Variants in ZDHHC18 observed in about 807,000 individuals in gnomAD.
ZDHHC18 encodes palmitoyltransferase ZDHHC18.
ZDHHC18 carries 23 observed loss-of-function variants against 37.5 expected under a neutral mutation model. That is an observed-to-expected ratio of 0.61 (90% CI 0.44 to 0.87). The LOEUF is 0.87. Ranked by LOEUF, ZDHHC18 falls within the 40% of genes least tolerant of loss-of-function variation. ZDHHC18 has a pLI of 0.00. For synonymous variants in ZDHHC18, 185 were observed against 218.7 expected (o/e 0.85, Z 1.36); for missense variants, 406 against 525.6 (o/e 0.77, Z 2.22).
chr1:26,852,537 C>T (rs2081710540), intron 6 of ZDHHC18, among the ~76,000 whole-genome samples: 1 of 152,206 alleles, frequency 6.6e-6, no homozygotes, highest in African/African-American at 2.4e-5. Flanking sequence ...CTGGATGCTT[C>T]TCTTGGGCTC....
intron 1 of ZDHHC18, 57 bp downstream of exon 1, chr1:26,827,196 C>T (rs1179629079): frequency 2.4e-6 from 3 of 1,275,896 alleles, no homozygotes; most frequent in Non-Finnish European, 2.0e-6. Flanking sequence ...CCCCACCTTC[C>T]CAATCCCTGC....
At position 26,850,927 on chromosome 1, in the gene ZDHHC18, G is replaced by A. The variant is rs1182746204; in HGVS notation, c.834-202G>A. On this transcript the variant is annotated intron_variant, in intron 5 of 7. Transcript: ENST00000374142. The surrounding 1 kb of genome is among the most constrained non-coding windows in gnomAD (Gnocchi z 6.1). ...CTCTGCCGTCCATCACCCTGACCTT[G>A]TCTGGCTCTTGAGTGGGGTCCTGAC... 2.6e-5 allele frequency among the ~76,000 whole-genome samples: 4 copies of A among 152,300 alleles called. No individual in the cohort carries two copies. In the East Asian group the frequency reaches 7.7e-4, roughly 29 times the overall value.
Position 26,854,865 on chromosome 1 carries a change from A to C in ZDHHC18, c.*1022A>C, listed in dbSNP as rs1245037410. 6.6e-6 allele frequency: 1 copy of C among 152,234 alleles called. No individual in the cohort carries two copies. Among genetic ancestry groups the C allele is most frequent in the African/African-American group, 2.4e-5 (1 of 41,366 alleles). The allele number at this position is 152,234 out of a possible 1,614,324, so 9.4% of individuals were successfully genotyped here. A position where few individuals can be genotyped will look rare whatever the true frequency, so the allele number is the denominator to read the frequency against. ...TGTGTGTGCATGTGTGTGTGTGTTCATGTGTGCCCTGTATGAATGTGGCTG... is the reference window on the plus strand; with the variant it reads ...TGTGTGTGCATGTGTGTGTGTGTTCCTGTGTGCCCTGTATGAATGTGGCTG... On this transcript the variant is annotated 3_prime_UTR_variant, in exon 8 of 8. Transcript: ENST00000374142. This position sits in a 1 kb window ranked among gnomAD's most constrained non-coding sequence, Gnocchi z 4.6.
At chr1:26,852,589 G>A (rs1570676864) in intron 6 of ZDHHC18, among the ~76,000 whole-genome samples, 164 bp from the exon 7 acceptor site, 1 of 152,332 alleles carries the variant, frequency 6.6e-6, no homozygotes, top group African/African-American at 2.4e-5. Context: ...ATCTCTGCCA[G>A]GGGTCCCCCA....
rs2081685348 is a variant in ZDHHC18, at chr1:26,848,602, C to G, written c.497-6C>G. 3 of 1,608,262 alleles carry G rather than the reference C, an allele frequency of 1.9e-6. No homozygotes were observed. Among genetic ancestry groups the G allele is most frequent in the Non-Finnish European group, 2.6e-6 (3 of 1,175,008 alleles). On this transcript the variant is annotated splice_region_variant and splice_polypyrimidine_tract_variant and intron_variant, in intron 2 of 7. Transcript: ENST00000374142. Reference sequence around the variant, plus strand: ...ATTCCCCATCTTTCTCTCCTCCTTCCCTCAGACAACACAGGCAGTTCTACA... The same window carrying G: ...ATTCCCCATCTTTCTCTCCTCCTTCGCTCAGACAACACAGGCAGTTCTACA...
rs71007896 is a variant in ZDHHC18, at chr1:26,845,320, CTTTTTTTTTTTTTTT to C, written c.497-3270_497-3256del. 3.2e-3 allele frequency among the ~76,000 whole-genome samples: 146 copies of C among 45,244 alleles called. 1 individual carries two copies. Among genetic ancestry groups the C allele is most frequent in the Non-Finnish European group, 4.1e-3 (108 of 26,360 alleles). 29.7% of individuals were successfully genotyped at this position (45,244 alleles called of 152,430 possible). ...CTGCTCTAAAGGTTACTTCTTCATTCTTTTTTTTTTTTTTTTTTTTTTTTTTTTTTTTGAGACAGT... is the reference window on the plus strand; with the variant it reads ...CTGCTCTAAAGGTTACTTCTTCATTCTTTTTTTTTTTTTTTTTGAGACAGT... On this transcript the variant is annotated intron_variant, in intron 2 of 7. Transcript: ENST00000374142.
intron 3 of ZDHHC18, among the ~76,000 whole-genome samples, chr1:26,849,872 G>A (rs2124266948): frequency 6.6e-6 from 1 of 152,330 alleles, no homozygotes; most frequent in South Asian, 2.1e-4. Flanking sequence ...TCAGCATGGT[G>A]TAAGACCAGC....
At chr1:26,839,412 C>T (rs964931393) in intron 2 of ZDHHC18, among the ~76,000 whole-genome samples, 4 of 152,196 alleles carry the variant, frequency 2.6e-5, no homozygotes, top group African/African-American at 9.7e-5. Context: ...GTCAGGCAGG[C>T]ACAGGGTGAA....
chr1:26,833,668 G>C (rs963066372), intron 2 of ZDHHC18, among the ~76,000 whole-genome samples: 2 of 152,072 alleles, frequency 1.3e-5, no homozygotes, highest in African/African-American at 4.8e-5. Flanking sequence ...ATCTCAGCTT[G>C]CTGCACCCCA....
intron 7 of ZDHHC18, 185 bp downstream of exon 7, chr1:26,853,050 A>G (rs1268339163): frequency 8.0e-6 from 4 of 500,586 alleles, no homozygotes; most frequent in African/African-American, 7.8e-5. Flanking sequence ...CTCATTGTAG[A>G]AAAAAAAAAT....
At chr1:26,835,918 C>T (rs143414356) in intron 2 of ZDHHC18, among the ~76,000 whole-genome samples, 13 of 152,244 alleles carry the variant, frequency 8.5e-5, no homozygotes, top group Non-Finnish European at 1.6e-4. Context: ...GCCCAGGGCT[C>T]CTGCCCTGTG....
In ZDHHC18 at chr1:26,855,047, C is replaced by T. The variant is rs2081726693; in HGVS notation, c.*1204C>T. ...CTCCTATCTTTCCTTCTTCTATGGACTTCAGACAGCCAGTGTCTGGGGACT... is the reference window on the plus strand; with the variant it reads ...CTCCTATCTTTCCTTCTTCTATGGATTTCAGACAGCCAGTGTCTGGGGACT... On this transcript the variant is annotated 3_prime_UTR_variant, in exon 8 of 8. Transcript: ENST00000374142. The T allele has an allele frequency of 6.6e-6, 1 of 152,322 alleles. No individual in the cohort carries two copies. Among genetic ancestry groups the T allele is most frequent in the Non-Finnish European group, 1.5e-5 (1 of 68,114 alleles). The allele number at this position is 152,322 out of a possible 1,614,324, so 9.4% of individuals were successfully genotyped here. A position where few individuals can be genotyped will look rare whatever the true frequency, so the allele number is the denominator to read the frequency against.
In ZDHHC18 at chr1:26,839,703, C is replaced by T. The variant is rs1213802507; in HGVS notation, c.496+7096C>T. Among the ~76,000 whole-genome samples, 5 of 152,224 alleles carry T rather than the reference C, an allele frequency of 3.3e-5. No individual in the cohort carries two copies. In the South Asian group the frequency reaches 8.3e-4, roughly 25 times the overall value. ...GAATGTCAGCACACTTTGTAAGTCA[C>T]TTTTCTCTATTGAAACTGAAGAGAC... On this transcript the variant is annotated intron_variant, in intron 2 of 7. Transcript: ENST00000374142.
chr1:26,847,848 CCT>C (rs1244339624), intron 2 of ZDHHC18, among the ~76,000 whole-genome samples: 1 of 152,038 alleles, frequency 6.6e-6, no homozygotes, highest in East Asian at 1.9e-4. Context: ...CACCCGACCT[CCT>C]CTCTCTTTTT....
intron 1 of ZDHHC18, among the ~76,000 whole-genome samples, chr1:26,829,867 T>C (rs1326038159): frequency 2.0e-5 from 3 of 152,208 alleles, no homozygotes; most frequent in Non-Finnish European, 4.4e-5. Flanking sequence ...ATCAGGAGGC[T>C]AGGACTTGGT....
rs759970162 is a variant in ZDHHC18 at position 26,850,368 on chromosome 1, C to T, written c.714C>T (p.Tyr238=). The part of the protein sequence containing the change: ...CVGRRNYRFF[Y]AFILSLSFLT... The stretch of plus-strand genomic sequence containing the variant: ...GGAGACGGAACTATCGCTTCTTCTA[C>T]GCGTTTATTCTCTCCCTCTCATTCC... The change falls in exon 4 of 8, where the codon TAC becomes TAT. Residue 238 remains tyrosine, a synonymous_variant. Coordinates refer to ENST00000374142, the MANE Select transcript of ZDHHC18 (RefSeq NM_032283.3). This position sits in a 1 kb window ranked among gnomAD's most constrained non-coding sequence, Gnocchi z 6.1. The T allele has an allele frequency of 2.6e-5, 42 of 1,614,130 alleles. No homozygotes were observed. Among genetic ancestry groups the T allele is most frequent in the African/African-American group, 8.0e-5 (6 of 74,952 alleles).
Position 26,854,215 on chromosome 1 carries a change from G to T in ZDHHC18, c.*372G>T, listed in dbSNP as rs2081721984. 3 of 195,618 alleles carry T rather than the reference G, an allele frequency of 1.5e-5. No individual in the cohort carries two copies. The highest frequency in any genetic ancestry group is 2.6e-4 in the East Asian group (2 of 7,606). 12.1% of individuals were successfully genotyped at this position (195,618 alleles called of 1,614,324 possible). ...AACTGCTTGGGCCTTGCTGAGCCAG[G>T]GTCCTCAGGGTGAAGCAGGACTGAG... On this transcript the variant is annotated 3_prime_UTR_variant, in exon 8 of 8. Transcript: ENST00000374142. The surrounding 1 kb of genome is among the most constrained non-coding windows in gnomAD (Gnocchi z 4.6).
At chr1:26,829,414 C>T (rs903591130) in intron 1 of ZDHHC18, among the ~76,000 whole-genome samples, 2 of 152,116 alleles carry the variant, frequency 1.3e-5, no homozygotes, top group African/African-American at 2.4e-5. Flanking sequence ...CCAGGCATGT[C>T]ATCCTCCGTG....
At chr1:26,839,013 G>T (rs955104626) in intron 2 of ZDHHC18, among the ~76,000 whole-genome samples, 12 of 152,250 alleles carry the variant, frequency 7.9e-5, no homozygotes, top group Admixed American at 3.3e-4. Flanking sequence ...AAGGGCAGAG[G>T]GCAGTCAGGG....
Sources: allele counts gnomAD v4.1 joint callset (sites outside exome capture counted in the v4.1 genomes callset), GRCh38; gene constraint gnomAD v4.1.1; non-coding constraint Gnocchi (gnomAD v3.1); transcripts MANE v1.5; gene names NCBI Gene and HGNC (gene_info 2026-07-23, HGNC 2026-07-21).